NPLOC4: variants seen among roughly 807,000 people sequenced by gnomAD.
The protein encoded by NPLOC4 is nuclear protein localization protein 4 homolog.
NPLOC4 carries 18 observed loss-of-function variants against 80.6 expected under a neutral mutation model. That is an observed-to-expected ratio of 0.22 (90% CI 0.15 to 0.33). NPLOC4 has a LOEUF of 0.33. Among genes scored for constraint, NPLOC4 ranks in the 10% least tolerant of loss-of-function variants. The pLI is 1.00. For missense variants in NPLOC4, 540 were observed against 786.1 expected (o/e 0.69, Z 3.74); for synonymous variants, 313 against 301.5 (o/e 1.04, Z -0.39).
At chr17:81,622,048 T>C (rs1446637230) in intron 3 of NPLOC4, 118 bp downstream of exon 3, 1 of 725,600 alleles carries the variant, frequency 1.4e-6, no homozygotes, top group Non-Finnish European at 2.4e-6. Flanking sequence ...TTCTGGTCAG[T>C]TGATAAGACC....
At chr17:81,635,622 G>A (rs1282844723) in intron 1 of NPLOC4, among the ~76,000 whole-genome samples, 1 of 152,138 alleles carries the variant, frequency 6.6e-6, no homozygotes, top group African/African-American at 2.4e-5. Context: ...GTCCAGGCTG[G>A]TCTTGAACTC....
chr17:81,600,478 G>A (rs2035033811), intron 8 of NPLOC4, 51 bp from the exon 9 acceptor site: 4 of 1,432,744 alleles, frequency 2.8e-6, no homozygotes, highest in Non-Finnish European at 3.9e-6. Flanking sequence ...GGCTCAGGAA[G>A]CAGCACCCCA....
At chr17:81,597,764 CA>C (rs2034953859) in intron 9 of NPLOC4, among the ~76,000 whole-genome samples, 1 of 112,626 alleles carries the variant, frequency 8.9e-6, no homozygotes, top group Non-Finnish European at 1.8e-5. Context: ...GCCTGGGCAA[CA>C]AGAATGAAAC....
In NPLOC4 at chr17:81,600,426, A is replaced by G; in HGVS notation, c.836T>C (p.Ile279Thr). 2 of 1,610,768 alleles carry G rather than the reference A, an allele frequency of 1.2e-6. No homozygotes were observed. Among genetic ancestry groups the G allele is most frequent in the Non-Finnish European group, 1.7e-6 (2 of 1,178,308 alleles). ...EVAAIYEPPQ[I>T]GTQNSLELLE... is the part of the protein sequence containing the mutation. ...AAGCTCCAAGCTGTTCTGTGTACCA[A>G]TCTGCAGGGAATCAAAGGGAGAAGA... Residue 279 changes from isoleucine to threonine, a missense_variant and splice_region_variant, in exon 9 of 17, where the codon ATT (isoleucine) becomes ACT (threonine). Physicochemically the swap from Ile to Thr is moderately conservative, Grantham distance 89. Transcript: ENST00000331134.
chr17:81,598,665 T>A (rs1157866328), intron 9 of NPLOC4, among the ~76,000 whole-genome samples: 1 of 152,094 alleles, frequency 6.6e-6, no homozygotes, highest in Non-Finnish European at 1.5e-5. Context: ...TGCTGTGTGA[T>A]CCTTAGGCCC....
chr17:81,599,490 T>C (rs1283606451), intron 9 of NPLOC4, among the ~76,000 whole-genome samples: 1 of 152,170 alleles, frequency 6.6e-6, no homozygotes. Flanking sequence ...AAACAGGATG[T>C]TTCTTTCCTA....
At chr17:81,598,372 G>A (rs2034977044) in intron 9 of NPLOC4, among the ~76,000 whole-genome samples, 1 of 152,146 alleles carries the variant, frequency 6.6e-6, no homozygotes, top group African/African-American at 2.4e-5. Flanking sequence ...ACAGCAGTGA[G>A]TGAGACCAAC....
intron 8 of NPLOC4, among the ~76,000 whole-genome samples, chr17:81,602,301 C>T (rs1352225646): frequency 1.3e-5 from 2 of 151,924 alleles, no homozygotes; most frequent in African/African-American, 4.8e-5. Context: ...AATTCTAGTA[C>T]TTTAGGAGGC....
chr17:81,636,702 G>A (rs538046027), intron 1 of NPLOC4, among the ~76,000 whole-genome samples: 82 of 152,262 alleles, frequency 5.4e-4, no homozygotes, highest in Non-Finnish European at 9.7e-4. Flanking sequence ...GGGAACCGGG[G>A]TCGTAAGTCC....
intron 9 of NPLOC4, among the ~76,000 whole-genome samples, chr17:81,597,519 T>A (rs1010754929): frequency 2.6e-5 from 4 of 152,066 alleles, no homozygotes; most frequent in Non-Finnish European, 5.9e-5. Flanking sequence ...GTGCGGTGGC[T>A]CACGCCTGTA....
chr17:81,626,860 C>A lies in NPLOC4; in HGVS notation c.96+2865G>T, dbSNP rs543414434. On this transcript the variant is annotated intron_variant, in intron 2 of 16. Transcript: ENST00000331134. ...ATCCCAGCACTTTGGGAGGCTGAGG[C>A]GGGCGGATCACCTGAGATCAGGAAT... 3.9e-5 allele frequency among the ~76,000 whole-genome samples: 6 copies of A among 152,076 alleles called. No individual in the cohort carries two copies. In the East Asian group the frequency reaches 7.7e-4, roughly 20 times the overall value.
At chr17:81,626,936 A>G (rs1323710909) in intron 2 of NPLOC4, among the ~76,000 whole-genome samples, 1 of 151,692 alleles carries the variant, frequency 6.6e-6, no homozygotes, top group East Asian at 1.9e-4. Flanking sequence ...CTAAAAATAC[A>G]AAAATCAGCT....
At chr17:81,623,023 C>T (rs1347790167) in intron 2 of NPLOC4, among the ~76,000 whole-genome samples, 1 of 151,654 alleles carries the variant, frequency 6.6e-6, no homozygotes, top group African/African-American at 2.4e-5. Context: ...GGTGAATCCC[C>T]GTTTCTACTA....
At chr17:81,616,329 A>AAAAAAAAAAG (rs2035485355) in intron 3 of NPLOC4, among the ~76,000 whole-genome samples, 1 of 38,646 alleles carries the variant, frequency 2.6e-5, no homozygotes, top group Non-Finnish European at 4.3e-5. Flanking sequence ...TCAAAAAAAA[A>AAAAAAAAAAG]AAAAAAAAAG....
rs907554240 is a variant in NPLOC4 at position 81,572,840 on chromosome 17, C to A, written c.1282-752G>T. On this transcript the variant is annotated intron_variant, in intron 12 of 16. Coordinates refer to ENST00000331134, the MANE Select transcript of NPLOC4 (RefSeq NM_017921.4). The surrounding 1 kb of genome is among the most constrained non-coding windows in gnomAD (Gnocchi z 4.5). ...GAATCTTACTCACACCTCTGAAAAC[C>A]CGACTTTCCAGAAACCGAGTACTTG... is the stretch of plus-strand genomic sequence containing the variant. Among the ~76,000 whole-genome samples, 1 of 152,170 alleles carries A rather than the reference C, an allele frequency of 6.6e-6. No homozygotes were observed. Among genetic ancestry groups the A allele is most frequent in the African/African-American group, 2.4e-5 (1 of 41,418 alleles).
At chr17:81,601,192 A>G (rs1340308278) in intron 8 of NPLOC4, among the ~76,000 whole-genome samples, 2 of 152,218 alleles carry the variant, frequency 1.3e-5, no homozygotes, top group Admixed American at 6.5e-5. Flanking sequence ...AACCCCAGCC[A>G]TAAGAATAGG....
At chr17:81,603,656 A>G (rs527874239) in intron 8 of NPLOC4, among the ~76,000 whole-genome samples, 1 of 152,216 alleles carries the variant, frequency 6.6e-6, no homozygotes, top group African/African-American at 2.4e-5. Flanking sequence ...AGAATTTTAC[A>G]GTGAATACTC....
chr17:81,570,818 G>A (rs1598621381), intron 13 of NPLOC4, among the ~76,000 whole-genome samples: 1 of 152,310 alleles, frequency 6.6e-6, no homozygotes, highest in Middle Eastern at 3.4e-3. Context: ...TGCTCTCAAG[G>A]ACTCCCCATG....
At chr17:81,598,237 G>A (rs117537007) in intron 9 of NPLOC4, among the ~76,000 whole-genome samples, 1,889 of 152,218 alleles carry the variant, frequency 0.012, 18 homozygotes, top group Non-Finnish European at 0.019. Context: ...TAAGATGCCA[G>A]GCCACACCCA....
Sources: allele counts gnomAD v4.1 joint callset (sites outside exome capture counted in the v4.1 genomes callset), GRCh38; gene constraint gnomAD v4.1.1; non-coding constraint Gnocchi (gnomAD v3.1); transcripts MANE v1.5; gene names NCBI Gene and HGNC (gene_info 2026-07-23, HGNC 2026-07-21).